Variants in ARSI observed in about 807,000 individuals in gnomAD.
The protein encoded by ARSI is arylsulfatase family member I, also known as arylsulfatase I.
In ARSI, 37 loss-of-function variants were observed where a neutral mutation model predicts 42.1. The ratio of observed to expected loss-of-function variants is 0.88; its 90% CI spans 0.68 to 1.16. The LOEUF (loss-of-function observed/expected upper bound fraction) is 1.16. Ranked by LOEUF, ARSI falls within the 50% of genes most tolerant of loss-of-function variation. The probability of loss-of-function intolerance (pLI) is 0.00; values close to 1 mark genes in which losing one functional copy is unlikely to be tolerated. For missense variants in ARSI, 725 were observed against 790.1 expected, an observed-to-expected ratio of 0.92 and a Z score of 0.99; for synonymous variants, 305 against 320.3, an observed-to-expected ratio of 0.95 and a Z score of 0.51.
Position 150,297,684 on chromosome 5 carries a change from C to T in ARSI, c.1240G>A (p.Ala414Thr), listed in dbSNP as rs745663592. Residue 414 changes from alanine (A) to threonine (T), a missense_variant, in exon 2 of 2, where the codon GCC becomes ACC. By Grantham distance (58) the Ala-to-Thr change is moderately conservative. Transcript: ENST00000328668. The surrounding 1 kb of genome is among the most constrained non-coding windows in gnomAD (Gnocchi z 7.0). Reference sequence around the variant, plus strand: ...CCCACGCGGATGGCAGCCTGCACGGCGGTGTTCCAGATGCCAAAGCCGCCC... The same window carrying T: ...CCCACGCGGATGGCAGCCTGCACGGTGGTGTTCCAGATGCCAAAGCCGCCC... ...LEGGFGIWNTAVQAAIRVGEW... is the reference protein window; with the variant it reads ...LEGGFGIWNTTVQAAIRVGEW... The T allele has an allele frequency of 2.0e-5, 33 of 1,613,322 alleles. No individual in the cohort carries two copies. Among genetic ancestry groups the T allele is most frequent in the Admixed American group, 5.0e-5 (3 of 60,010 alleles).
chr5:150,299,564 C>T (rs1410283689), intron 1 of ARSI, among the ~76,000 whole-genome samples: 1 of 151,848 alleles, frequency 6.6e-6, no homozygotes, highest in Non-Finnish European at 1.5e-5. Context: ...TTACTCACCT[C>T]ATCTTAAAAA....
At position 150,302,271 on chromosome 5, in the gene ARSI, C is replaced by A; in HGVS notation, c.103G>T (p.Ala35Ser). Reference protein sequence around the residue: ...PSFVADGPGEAGEQPSAAPPQ... With the variant: ...PSFVADGPGESGEQPSAAPPQ... ...GGAGCGGCCGAGGGCTGCTCGCCAG[C>A]CTCCCCGGGCCCGTCGGCCACGAAG... The change falls in exon 1 of 2, where the codon GCT becomes TCT. Residue 35 changes from alanine (A) to serine (S), a missense_variant. Coordinates refer to ENST00000328668, the MANE Select transcript of ARSI (RefSeq NM_001012301.4). This position sits in a 1 kb window ranked among gnomAD's most constrained non-coding sequence, Gnocchi z 6.1. 4 of 1,605,176 alleles carry A rather than the reference C, an allele frequency of 2.5e-6. No homozygotes were observed. The highest frequency in any genetic ancestry group is 3.4e-6 in the Non-Finnish European group (4 of 1,176,930).
rs1007427800 is a variant in ARSI at position 150,298,223 on chromosome 5, G to T, written c.701C>A (p.Ala234Asp). 9.9e-6 allele frequency: 16 copies of T among 1,614,026 alleles called. No homozygotes were observed. The Admixed American group carries it at 2.5e-4, about 25-fold the overall frequency. ...SPQRPLFLYV[A>D]FQAVHTPLQS... is the part of the protein sequence containing the mutation. The stretch of plus-strand genomic sequence containing the variant: ...CAGGGGTGTGTGTACTGCCTGGAAG[G>T]CCACATAGAGGAAGAGGGGACGCTG... Residue 234 changes from alanine (A) to aspartate (D), a missense_variant, in exon 2 of 2, where the codon GCC becomes GAC. Physicochemically the swap from Ala to Asp is moderately radical, Grantham distance 126 (BLOSUM62 -2). Coordinates refer to ENST00000328668, the MANE Select transcript of ARSI (RefSeq NM_001012301.4).
In ARSI at chr5:150,302,023, G is replaced by T. The variant is rs769355277; in HGVS notation, c.311+40C>A. On this transcript the variant is annotated intron_variant, in intron 1 of 1. Transcript: ENST00000328668. The surrounding 1 kb of genome is among the most constrained non-coding windows in gnomAD (Gnocchi z 6.1). ...AAATCTATCAACTGGGTTGATTTGG[G>T]GTTTAGATGCCCAGCCCCGGGGCCT... The T allele has an allele frequency of 1.3e-6, 2 of 1,521,522 alleles. No individual in the cohort carries two copies. The highest frequency in any genetic ancestry group is 2.5e-5 in the South Asian group (2 of 79,944). 94.3% of individuals were successfully genotyped at this position (1,521,522 alleles called of 1,614,324 possible). A position where few individuals can be genotyped will look rare whatever the true frequency, so the allele number is the denominator to read the frequency against.
Position 150,302,433 on chromosome 5 carries a change from GC to G in ARSI, c.-61del. 7.7e-7 allele frequency: 1 copy of G among 1,301,186 alleles called. No homozygotes were observed. The highest frequency in any genetic ancestry group is 9.9e-7 in the Non-Finnish European group (1 of 1,007,422). 80.6% of individuals were successfully genotyped at this position (1,301,186 alleles called of 1,614,324 possible). On this transcript the variant is annotated 5_prime_UTR_variant, in exon 1 of 2. Coordinates refer to ENST00000328668, the MANE Select transcript of ARSI (RefSeq NM_001012301.4). This position sits in a 1 kb window ranked among gnomAD's most constrained non-coding sequence, Gnocchi z 6.1. ...CTCCTGGGGCCTCACCACCTCGCGC[GC>G]CCAGGGCGCACCACCGGCCCGCCGG...
At position 150,297,622 on chromosome 5, in the gene ARSI, G is replaced by A. The variant is rs144550163; in HGVS notation, c.1302C>T (p.Gly434=). The A allele has an allele frequency of 8.9e-5, 143 of 1,611,106 alleles. 1 individual carries two copies. The African/African-American group carries it at 1.6e-3, about 18-fold the overall frequency. ...WKLLTGDPGY[G]DWIPPQTLAT... ...CCAGTGTCTGCGGTGGGATCCAATC[G>A]CCATAGCCGGGGTCTCCTGTCAGCA... The change falls in exon 2 of 2, where the codon GGC becomes GGT. Residue 434 remains glycine (G), a synonymous_variant. Coordinates refer to ENST00000328668, the MANE Select transcript of ARSI (RefSeq NM_001012301.4). The surrounding 1 kb of genome is among the most constrained non-coding windows in gnomAD (Gnocchi z 7.0).
At chr5:150,298,991 T>C (rs1237761691) in intron 1 of ARSI, among the ~76,000 whole-genome samples, 4 of 152,186 alleles carry the variant, frequency 2.6e-5, no homozygotes, top group African/African-American at 9.7e-5. Context: ...ACTAATCCTC[T>C]TATGTGAATT....
rs1011453427 is a variant in ARSI at position 150,296,357 on chromosome 5, A to G, written c.*857T>C. On this transcript the variant is annotated 3_prime_UTR_variant, in exon 2 of 2. Transcript: ENST00000328668. ...GCATCCCTCACTTCCATGTTACGAC[A>G]CTTTAATCAAGTTCACAAGCTCCTC... 7.9e-5 allele frequency: 12 copies of G among 152,324 alleles called. No individual in the cohort carries two copies. Among genetic ancestry groups the G allele is most frequent in the Non-Finnish European group, 1.6e-4 (11 of 68,130 alleles). 9.4% of individuals were successfully genotyped at this position (152,324 alleles called of 1,614,324 possible).
intron 1 of ARSI, among the ~76,000 whole-genome samples, chr5:150,301,710 C>G (rs1278201573): frequency 2.6e-5 from 4 of 151,898 alleles, no homozygotes; most frequent in Non-Finnish European, 4.4e-5. Flanking sequence ...AAAACTGAGG[C>G]TTAGAGAAAT....
Position 150,297,587 on chromosome 5 carries a change from G to A in ARSI, c.1337C>T (p.Pro446Leu), listed in dbSNP as rs780145423. ...TCGTTCCAGGTTCCACCAGCTACCC[G>A]GGAAGGTGGCCAGTGTCTGCGGTGG... ...WIPPQTLATFPGSWWNLERMA... is the reference protein window; with the variant it reads ...WIPPQTLATFLGSWWNLERMA... Residue 446 changes from proline to leucine, a missense_variant, in exon 2 of 2, where the codon CCG becomes CTG. By Grantham distance (98) the Pro-to-Leu change is moderately conservative. Transcript: ENST00000328668. The surrounding 1 kb of genome is among the most constrained non-coding windows in gnomAD (Gnocchi z 7.0). 1.4e-5 allele frequency: 23 copies of A among 1,610,238 alleles called. No individual in the cohort carries two copies. The highest frequency in any genetic ancestry group is 6.7e-5 in the Admixed American group (4 of 59,856).
Position 150,297,885 on chromosome 5 carries a change from T to C in ARSI, c.1039A>G (p.Ile347Val), listed in dbSNP as rs1390432856. The change falls in exon 2 of 2, where the codon ATC becomes GTC. Residue 347 changes from isoleucine (I) to valine (V), a missense_variant. By Grantham distance (29) the Ile-to-Val change is conservative. Transcript: ENST00000328668. This position sits in a 1 kb window ranked among gnomAD's most constrained non-coding sequence, Gnocchi z 7.0. ...ACCAGGGTCGGGTACCAGTCAGTGA[T>C]GTGCATCAGTGCCCGGCTTGTCCGT... ...KQRTSRALMH[I>V]TDWYPTLVGL... 5 of 1,612,434 alleles carry C rather than the reference T, an allele frequency of 3.1e-6. No individual in the cohort carries two copies. Among genetic ancestry groups the C allele is most frequent in the Middle Eastern group, 1.7e-4 (1 of 6,060 alleles).
In ARSI at chr5:150,302,362, G is replaced by A. The variant is rs750890809; in HGVS notation, c.12C>T (p.Leu4=). Residue 4 remains leucine, a synonymous_variant, in exon 1 of 2, where the codon CTC becomes CTT. Coordinates refer to ENST00000328668, the MANE Select transcript of ARSI (RefSeq NM_001012301.4). The surrounding 1 kb of genome is among the most constrained non-coding windows in gnomAD (Gnocchi z 6.1). MHT[L]TGFSLVSLLS... ...GCAGGCTGACCAGGGAGAAGCCAGT[G>A]AGGGTGTGCATCGCCAAGCCGGCCC... The A allele has an allele frequency of 1.1e-5, 16 of 1,507,508 alleles. No homozygotes were observed. Among genetic ancestry groups the A allele is most frequent in the Non-Finnish European group, 1.4e-5 (16 of 1,130,956 alleles). The allele number at this position is 1,507,508 out of a possible 1,614,324, so 93.4% of individuals were successfully genotyped here. A position where few individuals can be genotyped will look rare whatever the true frequency, so the allele number is the denominator to read the frequency against.
rs747621195 is a variant in ARSI, at chr5:150,297,799, C to G, written c.1125G>C (p.Pro375=). 1 of 1,604,646 alleles carries G rather than the reference C, an allele frequency of 6.2e-7. No homozygotes were observed. Among genetic ancestry groups the G allele is most frequent in the South Asian group, 1.1e-5 (1 of 89,994 alleles). Residue 375 remains proline (P), a synonymous_variant, in exon 2 of 2, where the codon CCG becomes CCC. Coordinates refer to ENST00000328668, the MANE Select transcript of ARSI (RefSeq NM_001012301.4). The surrounding 1 kb of genome is among the most constrained non-coding windows in gnomAD (Gnocchi z 7.0). The part of the protein sequence containing the change: ...ADGLDGYDVW[P]AISEGRASPR... The stretch of plus-strand genomic sequence containing the variant: ...GTGAGGCCCGGCCCTCGCTGATGGC[C>G]GGCCACACGTCGTAGCCATCTAGCC...
chr5:150,297,398 G>C lies in ARSI; in HGVS notation c.1526C>G (p.Pro509Arg), dbSNP rs751108087. 6.2e-7 allele frequency: 1 copy of C among 1,609,308 alleles called. No individual in the cohort carries two copies. The highest frequency in any genetic ancestry group is 8.5e-7 in the Non-Finnish European group (1 of 1,177,676). ...AIPVRYPAEN[P>R]RAHPDFNGGA... is the part of the protein sequence containing the mutation. Reference sequence around the variant, plus strand: ...CCCATTAAAGTCAGGATGAGCCCGGGGGTTCTCAGCTGGGTAGCGTACCGG... The same window carrying C: ...CCCATTAAAGTCAGGATGAGCCCGGCGGTTCTCAGCTGGGTAGCGTACCGG... The change falls in exon 2 of 2, where the codon CCC becomes CGC. Residue 509 changes from proline to arginine, a missense_variant. By Grantham distance (103) the Pro-to-Arg change is moderately radical. Transcript: ENST00000328668. This position sits in a 1 kb window ranked among gnomAD's most constrained non-coding sequence, Gnocchi z 7.0.
At chr5:150,298,723 A>G (rs1422906603) in intron 1 of ARSI, 111 bp from the exon 2 acceptor site, 1 of 961,964 alleles carries the variant, frequency 1.0e-6, no homozygotes, top group African/African-American at 1.7e-5. Context: ...CAGCACTACC[A>G]GCAAAAATAA....
At chr5:150,299,866 G>A (rs1470213173) in intron 1 of ARSI, among the ~76,000 whole-genome samples, 1 of 152,128 alleles carries the variant, frequency 6.6e-6, no homozygotes, top group Non-Finnish European at 1.5e-5. Context: ...CTATCACCCT[G>A]AGGCAGGAGT....
chr5:150,298,218 G>A lies in ARSI; in HGVS notation c.706C>T (p.Gln236Ter). 2.5e-6 allele frequency: 4 copies of A among 1,614,148 alleles called. No individual in the cohort carries two copies. The highest frequency in any genetic ancestry group is 3.4e-6 in the Non-Finnish European group (4 of 1,180,040). The stretch of plus-strand genomic sequence containing the variant: ...GACTGCAGGGGTGTGTGTACTGCCT[G>A]GAAGGCCACATAGAGGAAGAGGGGA... The part of the protein sequence containing the change: ...QRPLFLYVAF[Q>*]AVHTPLQSPR... Residue 236 changes from glutamine to a stop codon, truncating the protein, a stop_gained, in exon 2 of 2, where the codon CAG becomes TAG. Coordinates refer to ENST00000328668, the MANE Select transcript of ARSI (RefSeq NM_001012301.4). LOFTEE classifies it high-confidence loss of function.
At position 150,297,111 on chromosome 5, in the gene ARSI, A is replaced by T; in HGVS notation, c.*103T>A. The T allele has an allele frequency of 7.6e-7, 1 of 1,314,158 alleles. No individual in the cohort carries two copies. 81.4% of individuals were successfully genotyped at this position (1,314,158 alleles called of 1,614,324 possible). On this transcript the variant is annotated 3_prime_UTR_variant, in exon 2 of 2. Coordinates refer to ENST00000328668, the MANE Select transcript of ARSI (RefSeq NM_001012301.4). This position sits in a 1 kb window ranked among gnomAD's most constrained non-coding sequence, Gnocchi z 7.0. ...CAACCAAGGGACTCTACACCCTCCA[A>T]CTCCCTGTAGATGGAGATGTGACAG... is the stretch of plus-strand genomic sequence containing the variant.
At position 150,302,299 on chromosome 5, in the gene ARSI, C is replaced by G; in HGVS notation, c.75G>C (p.Pro25=). The part of the protein sequence containing the change: ...FGYLSWDWAK[P]SFVADGPGEA... Reference sequence around the variant, plus strand: ...CCCCGGGCCCGTCGGCCACGAAGCTCGGCTTGGCCCAGTCCCAGGACAGGT... The same window carrying G: ...CCCCGGGCCCGTCGGCCACGAAGCTGGGCTTGGCCCAGTCCCAGGACAGGT... Residue 25 remains proline (P), a synonymous_variant, in exon 1 of 2, where the codon CCG becomes CCC. Transcript: ENST00000328668. The surrounding 1 kb of genome is among the most constrained non-coding windows in gnomAD (Gnocchi z 6.1). The G allele has an allele frequency of 6.2e-7, 1 of 1,601,248 alleles. No individual in the cohort carries two copies. Among genetic ancestry groups the G allele is most frequent in the Non-Finnish European group, 8.5e-7 (1 of 1,174,824 alleles).
Sources: allele counts gnomAD v4.1 joint callset (sites outside exome capture counted in the v4.1 genomes callset), GRCh38; gene constraint gnomAD v4.1.1; non-coding constraint Gnocchi (gnomAD v3.1); transcripts MANE v1.5; gene names NCBI Gene and HGNC (gene_info 2026-07-23, HGNC 2026-07-21).